Variants in COBLL1 observed in about 807,000 individuals in gnomAD.
COBLL1 encodes the protein cordon-bleu protein-like 1.
COBLL1 carries 50 observed loss-of-function variants against 94.8 expected under a neutral mutation model. That is an observed-to-expected ratio of 0.53 (90% confidence interval 0.42 to 0.67). COBLL1 has a LOEUF of 0.67. Among genes scored for constraint, COBLL1 ranks in the 30% least tolerant of loss-of-function variants. The pLI, the probability that COBLL1 is intolerant of heterozygous loss-of-function variation, is 0.00. For missense variants in COBLL1, 1,362 were observed against 1,348.7 expected, an observed-to-expected ratio of 1.01 and a Z score of -0.15; for synonymous variants, 448 against 473.8, an observed-to-expected ratio of 0.95 and a Z score of 0.71.
At chr2:164,797,287 T>A (rs188359378) in intron 2 of COBLL1, among the ~76,000 whole-genome samples, 1 of 152,306 alleles carries the variant, frequency 6.6e-6, no homozygotes, top group Non-Finnish European at 1.5e-5. Context: ...TTGCTACTCA[T>A]CATGTGATTT....
At chr2:164,784,718 G>A (rs1688870008) in intron 2 of COBLL1, among the ~76,000 whole-genome samples, 1 of 152,060 alleles carries the variant, frequency 6.6e-6, no homozygotes, top group South Asian at 2.1e-4. Flanking sequence ...AGTGCTATAT[G>A]ATACTTATGC....
chr2:164,816,853 T>C (rs1312662144), intron 2 of COBLL1, among the ~76,000 whole-genome samples: 6 of 152,104 alleles, frequency 3.9e-5, no homozygotes, highest in Non-Finnish European at 8.8e-5. Context: ...TCAAGGCACT[T>C]TGTACCACGA....
At chr2:164,766,516 C>T (rs535506538) in intron 2 of COBLL1, among the ~76,000 whole-genome samples, 1 of 152,260 alleles carries the variant, frequency 6.6e-6, no homozygotes, top group South Asian at 2.1e-4. Context: ...GCTGGCTCCC[C>T]CTTGCCTTCT....
chr2:164,729,607 T>C (rs1340425569), intron 4 of COBLL1, among the ~76,000 whole-genome samples: 1 of 152,158 alleles, frequency 6.6e-6, no homozygotes, highest in Non-Finnish European at 1.5e-5. Context: ...TTAATTTTCA[T>C]GAAAAGATTC....
At chr2:164,724,701 T>C (rs1049109945) in intron 5 of COBLL1, 4 of 152,254 alleles carry the variant, frequency 2.6e-5, no homozygotes, top group South Asian at 2.1e-4. Flanking sequence ...GCTAAACTAA[T>C]AGATAAATAT....
Position 164,743,723 on chromosome 2 carries a change from G to A in COBLL1, c.194C>T (p.Pro65Leu), listed in dbSNP as rs1174768176. 6.2e-7 allele frequency: 1 copy of A among 1,613,466 alleles called. No individual in the cohort carries two copies. Among genetic ancestry groups the A allele is most frequent in the Non-Finnish European group, 8.5e-7 (1 of 1,179,694 alleles). ...AGTAGTAGATTTGATAATATCCCCAGGTAGGACCACTGAGAGTTCAACGTC... is the reference window on the plus strand; with the variant it reads ...AGTAGTAGATTTGATAATATCCCCAAGTAGGACCACTGAGAGTTCAACGTC... ...DKDVELSVVL[P>L]GDIIKSTTVH... The change falls in exon 3 of 14, where the codon CCT becomes CTT. Residue 65 changes from proline to leucine, a missense_variant. Transcript: ENST00000652658.
intron 2 of COBLL1, among the ~76,000 whole-genome samples, chr2:164,776,489 T>C (rs1279278611): frequency 6.6e-6 from 1 of 152,194 alleles, no homozygotes; most frequent in African/African-American, 2.4e-5. Context: ...CTCATAAAGA[T>C]TCTTAATCAA....
intron 7 of COBLL1, among the ~76,000 whole-genome samples, chr2:164,717,224 G>A (rs1161032320): frequency 6.6e-6 from 1 of 152,020 alleles, no homozygotes; most frequent in East Asian, 1.9e-4. Context: ...GGTTTATTTT[G>A]TATCCTGAAC....
rs199918655 is a variant in COBLL1, at chr2:164,722,284, C to G, written c.787G>C (p.Val263Leu). Residue 263 changes from valine (V) to leucine (L), a missense_variant, in exon 7 of 14, where the codon GTA (valine) becomes CTA (leucine). Physicochemically the swap from Val to Leu is conservative, Grantham distance 32 (BLOSUM62 1). Transcript: ENST00000652658. ...GTAAAAGTTGGGCGGTGCTTATTTA[C>G]TAGAGGGGTTGCAGGGGCACTTGCA... ...QTASAPATPLVNKHRPTFTRS... is the reference protein window; with the variant it reads ...QTASAPATPLLNKHRPTFTRS... 4.3e-6 allele frequency: 7 copies of G among 1,613,704 alleles called. No homozygotes were observed. In the African/African-American group the frequency reaches 8.0e-5, roughly 18 times the overall value.
intron 7 of COBLL1, chr2:164,718,277 C>T: frequency 6.1e-6 from 6 of 983,512 alleles, no homozygotes; most frequent in Non-Finnish European, 6.0e-6. Flanking sequence ...TAAAATTTAA[C>T]AATGCTGCAA....
chr2:164,787,306 A>G (rs950362405), intron 2 of COBLL1, among the ~76,000 whole-genome samples: 1 of 152,194 alleles, frequency 6.6e-6, no homozygotes, highest in East Asian at 1.9e-4. Flanking sequence ...AGTCAAACAT[A>G]TCAAATGTAA....
rs147981429 is a variant in COBLL1 at position 164,762,043 on chromosome 2, C to T, written c.42-18168G>A. Among the ~76,000 whole-genome samples the T allele has an allele frequency of 3.8e-3, 572 of 152,286 alleles. 7 individuals carry two copies. In the East Asian group the frequency reaches 0.042, roughly 11 times the overall value. On this transcript the variant is annotated intron_variant, in intron 2 of 13. Transcript: ENST00000652658. ...AAGGCTGCTAATCTCTAACTTAAACCGTTCCTATAACCTCTGAAATGCTAG... is the reference window on the plus strand; with the variant it reads ...AAGGCTGCTAATCTCTAACTTAAACTGTTCCTATAACCTCTGAAATGCTAG...
chr2:164,702,285 T>G (rs536293145), intron 9 of COBLL1, among the ~76,000 whole-genome samples: 2 of 152,006 alleles, frequency 1.3e-5, no homozygotes, highest in Admixed American at 1.3e-4. Flanking sequence ...AACTCTAGGC[T>G]GGGCGTGGTG....
In COBLL1 at chr2:164,692,012, A is replaced by C. The variant is rs150351270; in HGVS notation, c.3300+209T>G. Among the ~76,000 whole-genome samples, 1,235 of 152,308 alleles carry C rather than the reference A, an allele frequency of 8.1e-3. 9 individuals carry two copies. Among genetic ancestry groups the C allele is most frequent in the African/African-American group, 0.021 (856 of 41,574 alleles). On this transcript the variant is annotated intron_variant, in intron 13 of 13. Coordinates refer to ENST00000652658, the MANE Select transcript of COBLL1 (RefSeq NM_001365672.2). Reference sequence around the variant, plus strand: ...AGAATGAACAAAATTCATGTTCTGCAACTGGCCCATGTTGTGGAAAATAGA... The same window carrying C: ...AGAATGAACAAAATTCATGTTCTGCCACTGGCCCATGTTGTGGAAAATAGA...
intron 2 of COBLL1, among the ~76,000 whole-genome samples, chr2:164,811,510 T>C (rs892133825): frequency 6.6e-6 from 1 of 151,962 alleles, no homozygotes; most frequent in African/African-American, 2.4e-5. Flanking sequence ...ACCATGTAAC[T>C]AAAGATTGAC....
chr2:164,796,320 T>G (rs1436690974), intron 2 of COBLL1, among the ~76,000 whole-genome samples: 2 of 152,102 alleles, frequency 1.3e-5, no homozygotes, highest in Admixed American at 6.5e-5. Context: ...AAGGAAGGAC[T>G]GGGTATATAT....
chr2:164,671,864 C>G (rs1350212118), intron 1 of COBLL1, among the ~76,000 whole-genome samples: 1 of 152,048 alleles, frequency 6.6e-6, no homozygotes, highest in Non-Finnish European at 1.5e-5. Context: ...CAGTTTCAAT[C>G]AGATACAGCT....
chr2:164,841,793 T>G lies in COBLL1; in HGVS notation c.-134A>C, dbSNP rs909110310. ...TCTTCCCTTCCCCGGCCCGCGCTCTTGCCGCTCGGCTCTCAAGCCAGGACT... is the reference window on the plus strand; with the variant it reads ...TCTTCCCTTCCCCGGCCCGCGCTCTGGCCGCTCGGCTCTCAAGCCAGGACT... On this transcript the variant is annotated 5_prime_UTR_variant, in exon 1 of 14. Transcript: ENST00000652658. The surrounding 1 kb of genome is among the most constrained non-coding windows in gnomAD (Gnocchi z 5.5). The G allele has an allele frequency of 1.0e-5, 6 of 574,138 alleles. No individual in the cohort carries two copies. Among genetic ancestry groups the G allele is most frequent in the African/African-American group, 2.0e-5 (1 of 49,928 alleles). 35.6% of individuals were successfully genotyped at this position (574,138 alleles called of 1,614,324 possible). A position where few individuals can be genotyped will look rare whatever the true frequency, so the allele number is the denominator to read the frequency against.
chr2:164,762,389 C>T (rs1687726892), intron 2 of COBLL1, among the ~76,000 whole-genome samples: 1 of 152,186 alleles, frequency 6.6e-6, no homozygotes, highest in Non-Finnish European at 1.5e-5. Flanking sequence ...GTAGCATCTA[C>T]TGTACCACAG....
Sources: gnomAD v4.1 joint callset for allele counts (sites outside exome capture counted in the v4.1 genomes callset) on GRCh38, gnomAD v4.1.1 for gene constraint, Gnocchi (gnomAD v3.1) non-coding constraint, MANE v1.5 for transcripts, NCBI Gene and HGNC (gene_info 2026-07-23, HGNC 2026-07-21) for gene names.